FABP6: variants seen among roughly 807,000 people sequenced by gnomAD.
FABP6 encodes gastrotropin.
Under a neutral mutation model 14.9 loss-of-function variants are expected in FABP6, and 13 were observed. That is an observed-to-expected ratio of 0.87 (90% CI 0.57 to 1.39). The LOEUF (loss-of-function observed/expected upper bound fraction) is 1.39. FABP6 is among the 40% of genes most tolerant of loss of function. FABP6 has a pLI of 0.00. For missense variants in FABP6, 161 were observed against 167.2 expected (o/e 0.96, Z 0.20); for synonymous variants, 75 against 63.6 (o/e 1.18, Z -0.85).
chr5:160,228,860 G>A (rs543567086), upstream of FABP6, among the ~76,000 whole-genome samples: 3 of 151,774 alleles, frequency 2.0e-5, no homozygotes, highest in African/African-American at 4.8e-5. Flanking sequence ...CTAGAATATC[G>A]TCTCCCTTTG....
upstream of FABP6, among the ~76,000 whole-genome samples, chr5:160,225,093 G>GTTTTT (rs61110860): frequency 6.8e-6 from 1 of 146,208 alleles, no homozygotes. Context: ...CCTGATAGCA[G>GTTTTT]TTTTTTTTTT....
At chr5:160,231,559 A>G (rs183096097) in intron 1 of FABP6, among the ~76,000 whole-genome samples, 68 of 152,058 alleles carry the variant, frequency 4.5e-4, no homozygotes, top group African/African-American at 1.6e-3. Flanking sequence ...ATGCCCAGAT[A>G]ATTTTTTTGT....
chr5:160,232,023 C>A (rs949518806), intron 1 of FABP6, 75 bp from the exon 2 acceptor site: 20 of 1,533,442 alleles, frequency 1.3e-5, no homozygotes, highest in Non-Finnish European at 1.7e-5. Context: ...TGGGGGTGGG[C>A]AGGAAAGCTC....
chr5:160,202,285 G>A (rs778297477), intron 2 of FABP6, among the ~76,000 whole-genome samples: 1 of 152,108 alleles, frequency 6.6e-6, no homozygotes, highest in Non-Finnish European at 1.5e-5. Context: ...GGCCAGAAAG[G>A]CTTTTCTGAG....
intron 2 of FABP6, among the ~76,000 whole-genome samples, chr5:160,211,204 C>G (rs1759883297): frequency 6.6e-6 from 1 of 152,046 alleles, no homozygotes; most frequent in Non-Finnish European, 1.5e-5. Flanking sequence ...CTTCTTCTGT[C>G]AGTGTACTTC....
At chr5:160,215,707 G>C in intron 3 of FABP6, among the ~76,000 whole-genome samples, 1 of 151,474 alleles carries the variant, frequency 6.6e-6, no homozygotes, top group Non-Finnish European at 1.5e-5. Context: ...AAGAAAAAAA[G>C]AAGTAAAGGC....
chr5:160,222,169 T>C (rs1474065606), intron 3 of FABP6, among the ~76,000 whole-genome samples: 3 of 150,438 alleles, frequency 2.0e-5, no homozygotes, highest in Non-Finnish European at 3.0e-5. Context: ...CATAGCTCAC[T>C]GAAGCCTCAG....
chr5:160,190,921 G>A (rs1759380574), intron 1 of FABP6, among the ~76,000 whole-genome samples: 1 of 150,134 alleles, frequency 6.7e-6, no homozygotes, highest in South Asian at 2.1e-4. Context: ...GACCATCCTG[G>A]CTAACACAGT....
At chr5:160,229,469 G>T, upstream of FABP6, 1 of 1,601,052 alleles carries the variant, frequency 6.2e-7, no homozygotes, top group Non-Finnish European at 8.5e-7. Context: ...CTCAGCAACT[G>T]GGAGAGTTTA....
chr5:160,213,621 T>C, intron 2 of FABP6: 1 of 836,208 alleles, frequency 1.2e-6, no homozygotes, highest in South Asian at 1.4e-5. Flanking sequence ...TTTCCATTGC[T>C]TGCAATTAAG....
rs1443868816 is a variant in FABP6, at chr5:160,213,906, A to G, written c.135+87A>G. On this transcript the variant is annotated intron_variant, in intron 3 of 6. Coordinates refer to the FABP6 transcript ENST00000393980. Reference sequence around the variant, plus strand: ...CTCATGAACCTAGACTTTGTGTCCTATCCCTGGGCTCCTTGAGATCCTTCT... The same window carrying G: ...CTCATGAACCTAGACTTTGTGTCCTGTCCCTGGGCTCCTTGAGATCCTTCT... 3 of 1,074,934 alleles carry G rather than the reference A, an allele frequency of 2.8e-6. No individual in the cohort carries two copies. In the African/African-American group the frequency reaches 4.6e-5, roughly 17 times the overall value. 66.6% of individuals were successfully genotyped at this position (1,074,934 alleles called of 1,614,324 possible). A position where few individuals can be genotyped will look rare whatever the true frequency, so the allele number is the denominator to read the frequency against.
At chr5:160,235,881 C>T (rs1335852209) in intron 3 of FABP6, among the ~76,000 whole-genome samples, 1 of 152,180 alleles carries the variant, frequency 6.6e-6, no homozygotes, top group African/African-American at 2.4e-5. Context: ...AAATGATTTA[C>T]ACCACAGACA....
At chr5:160,215,343 G>A (rs528541207) in intron 3 of FABP6, among the ~76,000 whole-genome samples, 7 of 152,148 alleles carry the variant, frequency 4.6e-5, no homozygotes, top group Non-Finnish European at 2.9e-5. Flanking sequence ...GTGAAACCCC[G>A]TCTTTACTAA....
intron 2 of FABP6, among the ~76,000 whole-genome samples, chr5:160,212,555 G>A (rs1405432767): frequency 4.6e-5 from 7 of 151,706 alleles, no homozygotes; most frequent in Non-Finnish European, 7.4e-5. Context: ...TGCAAGCTCC[G>A]CCTCCCAGGT....
At chr5:160,198,052 G>C (rs1426025893) in intron 1 of FABP6, 1 of 153,040 alleles carries the variant, frequency 6.5e-6, no homozygotes, top group Non-Finnish European at 1.4e-5. Context: ...AGAGAAGAAG[G>C]GGGAAGGGGG....
At chr5:160,219,435 G>A (rs1216111866) in intron 3 of FABP6, among the ~76,000 whole-genome samples, 1 of 152,184 alleles carries the variant, frequency 6.6e-6, no homozygotes, top group Admixed American at 6.5e-5. Context: ...GTGATATGGA[G>A]GCAGTTTGAG....
chr5:160,238,527 A>G (rs10079413), intron 3 of FABP6, 79 bp from the exon 4 acceptor site: 1,183,129 of 1,245,092 alleles, frequency 0.95, 562,755 homozygotes, highest in East Asian at 1. Flanking sequence ...GGGGTTGGAG[A>G]CTCATCTTCC....
intron 1 of FABP6, among the ~76,000 whole-genome samples, chr5:160,190,987 C>T (rs1308427851): frequency 1.3e-5 from 2 of 149,758 alleles, no homozygotes; most frequent in South Asian, 2.1e-4. Context: ...GTGGTGTACT[C>T]AGGAGGCAGA....
intron 3 of FABP6, 42 bp downstream of exon 3, chr5:160,234,951 GTCTGCCTCTTGGCCACA>G (rs1760474555): frequency 6.3e-7 from 1 of 1,576,006 alleles, no homozygotes; most frequent in East Asian, 2.3e-5. Context: ...TTGGATATTT[GTCTGCCTCTTGGCCACA>G]GCCCCTCAGA....
Sources: allele counts gnomAD v4.1 joint callset (sites outside exome capture counted in the v4.1 genomes callset), GRCh38; gene constraint gnomAD v4.1.1; transcripts MANE v1.5; gene names NCBI Gene and HGNC (gene_info 2026-07-23, HGNC 2026-07-21).